RYR2: variants seen among roughly 807,000 people sequenced by gnomAD.
RYR2 encodes cardiac muscle ryanodine receptor-calcium release channel.
A neutral mutation model predicts 601.1 loss-of-function variants in RYR2; 227 were observed. The ratio of observed to expected loss-of-function variants is 0.38; its 90% CI spans 0.34 to 0.42. The LOEUF (loss-of-function observed/expected upper bound fraction) is 0.42. RYR2 is among the 10% of genes least tolerant of loss of function. The pLI is 1.00. For missense variants in RYR2, 4,646 were observed against 6,156.5 expected (o/e 0.75, Z 8.21); for synonymous variants, 2,223 against 2,175.1 (o/e 1.02, Z -0.61).
chr1:237,827,621 C>T (rs759138130), intron 101 of RYR2, among the ~76,000 whole-genome samples: 3 of 106,254 alleles, frequency 2.8e-5, no homozygotes, highest in South Asian at 8.4e-4. Flanking sequence ...CAGAGCAAGA[C>T]TGTCTCAAAA....
intron 1 of RYR2, among the ~76,000 whole-genome samples, chr1:237,092,408 T>C (rs1424421862): frequency 1.3e-5 from 2 of 152,234 alleles, no homozygotes; most frequent in African/African-American, 4.8e-5. Flanking sequence ...TATGTGACTG[T>C]CTGTGCTATT....
chr1:237,108,979 A>G (rs1244408290), intron 1 of RYR2, among the ~76,000 whole-genome samples: 1 of 152,166 alleles, frequency 6.6e-6, no homozygotes, highest in Non-Finnish European at 1.5e-5. Context: ...TTACATGAAC[A>G]TGAGCAAATG....
chr1:237,664,017 C>G (rs746122604), intron 56 of RYR2, among the ~76,000 whole-genome samples: 1 of 152,098 alleles, frequency 6.6e-6, no homozygotes, highest in African/African-American at 2.4e-5. Flanking sequence ...CTAAAGAAAA[C>G]AGCAAAAAAC....
intron 80 of RYR2, chr1:237,755,211 C>CTTTT: frequency 1.5e-6 from 1 of 666,668 alleles, no homozygotes; most frequent in Non-Finnish European, 2.1e-6. Context: ...CCTTTTAGTT[C>CTTTT]ACTTTATTTT....
rs1559038797 is a variant in RYR2 at position 237,566,711 on chromosome 1, C to G, written c.3359C>G (p.Pro1120Arg). Residue 1120 changes from proline to arginine, a missense_variant, in exon 28 of 105, where the codon CCT becomes CGT. Pro to Arg is a moderately radical substitution (Grantham distance 103). This residue lies in a region of RYR2 where 1,807 missense variants were observed against 2,088.1 expected (regional missense o/e 0.87). Coordinates refer to ENST00000366574, the MANE Select transcript of RYR2 (RefSeq NM_001035.3). ...GACATGAGGGTTGGTTGGAGTCGTC[C>G]TGGTTGTCAACCGGATCAGGAGCTT... ...AGDMRVGWSRPGCQPDQELGS... is the reference protein window; with the variant it reads ...AGDMRVGWSRRGCQPDQELGS... 6 of 1,613,936 alleles carry G rather than the reference C, an allele frequency of 3.7e-6. No individual in the cohort carries two copies. Among genetic ancestry groups the G allele is most frequent in the Non-Finnish European group, 5.1e-6 (6 of 1,179,852 alleles).
chr1:237,082,504 T>C (rs1393758924), intron 1 of RYR2, among the ~76,000 whole-genome samples: 2 of 124,312 alleles, frequency 1.6e-5, no homozygotes, highest in Non-Finnish European at 3.6e-5. Flanking sequence ...CCCTGTGTTA[T>C]ATTCTTTCAA....
chr1:237,199,048 C>G (rs1680884791), intron 1 of RYR2, among the ~76,000 whole-genome samples: 1 of 152,074 alleles, frequency 6.6e-6, no homozygotes, highest in Non-Finnish European at 1.5e-5. Flanking sequence ...TAAATGCAAA[C>G]TTCAAAGGTG....
rs563944864 is a variant in RYR2, at chr1:237,549,108, G to T, written c.3066+518G>T. Among the ~76,000 whole-genome samples, 9 of 152,274 alleles carry T rather than the reference G, an allele frequency of 5.9e-5. 1 individual carries two copies. The Middle Eastern group carries it at 0.01, about 173-fold the overall frequency. On this transcript the variant is annotated intron_variant, in intron 26 of 104. Transcript: ENST00000366574. ...GGAGGCATGGTCATACCAAAGAGGG[G>T]TAAAGGCCATAAACAGCCTCGCATC... is the stretch of plus-strand genomic sequence containing the variant.
intron 1 of RYR2, among the ~76,000 whole-genome samples, chr1:237,169,138 A>G (rs1677046565): frequency 6.6e-6 from 1 of 152,208 alleles, no homozygotes; most frequent in African/African-American, 2.4e-5. Flanking sequence ...AAAATACTAA[A>G]TTGTTATTAA....
Position 237,828,562 on chromosome 1 carries a change from TG to T in RYR2, c.14655+119del, listed in dbSNP as rs140195803. ...GGAGGAGGGGGAAGGGCACAACTTG[TG>T]GTTTCACTGGCGTGTTTTCCATTCA... On this transcript the variant is annotated intron_variant, in intron 102 of 104. Transcript: ENST00000366574. 38,775 of 646,402 alleles carry T rather than the reference TG, an allele frequency of 0.06. 1,491 individuals are homozygous for T. The highest frequency in any genetic ancestry group is 0.078 in the Non-Finnish European group (29,311 of 377,206). 40.0% of individuals were successfully genotyped at this position (646,402 alleles called of 1,614,324 possible). A position where few individuals can be genotyped will look rare whatever the true frequency, so the allele number is the denominator to read the frequency against.
chr1:237,638,999 C>T lies in RYR2; in HGVS notation c.6929-16C>T, dbSNP rs2148727288. 1 of 1,612,790 alleles carries T rather than the reference C, an allele frequency of 6.2e-7. No individual in the cohort carries two copies. Among genetic ancestry groups the T allele is most frequent in the East Asian group, 2.2e-5 (1 of 44,860 alleles). On this transcript the variant is annotated splice_polypyrimidine_tract_variant and intron_variant, in intron 45 of 104. Transcript: ENST00000366574. ...ATAATCATATTTGTTTACTTATCTT[C>T]CCCATTCTACTTTAGGGGAGAGTGT...
At chr1:237,248,092 T>A (rs1040397553) in intron 1 of RYR2, among the ~76,000 whole-genome samples, 7 of 152,066 alleles carry the variant, frequency 4.6e-5, no homozygotes, top group Non-Finnish European at 8.8e-5. Flanking sequence ...GGTAACATGG[T>A]GAAACCCTGT....
intron 10 of RYR2, among the ~76,000 whole-genome samples, chr1:237,410,468 A>G (rs1261667498): frequency 1.3e-5 from 2 of 152,190 alleles, no homozygotes; most frequent in Non-Finnish European, 2.9e-5. Context: ...TAATATGGGT[A>G]GAATATTCTA....
At chr1:237,058,532 C>A (rs1319759094) in intron 1 of RYR2, among the ~76,000 whole-genome samples, 2 of 152,162 alleles carry the variant, frequency 1.3e-5, no homozygotes, top group African/African-American at 4.8e-5. Context: ...AAGGTAAAAG[C>A]TTTCAACAAA....
rs111256171 is a variant in RYR2 at position 237,045,144 on chromosome 1, C to T, written c.48+2575C>T. Among the ~76,000 whole-genome samples, 417 of 152,210 alleles carry T rather than the reference C, an allele frequency of 2.7e-3. 3 individuals are homozygous for T. The highest frequency in any genetic ancestry group is 9.8e-3 in the African/African-American group (406 of 41,526). On this transcript the variant is annotated intron_variant, in intron 1 of 104. Coordinates refer to ENST00000366574, the MANE Select transcript of RYR2 (RefSeq NM_001035.3). ...GACATTTCATATGTCCTGATTAGAA[C>T]ATCTGGATTATTATCTTGAGCAGGT...
intron 52 of RYR2, among the ~76,000 whole-genome samples, chr1:237,654,909 A>G (rs1193109545): frequency 1.3e-5 from 2 of 152,228 alleles, no homozygotes. Context: ...AAAATTTATA[A>G]TGAATAGTTC....
chr1:237,135,346 C>T (rs1165360880), intron 1 of RYR2, among the ~76,000 whole-genome samples: 1 of 151,838 alleles, frequency 6.6e-6, no homozygotes, highest in Non-Finnish European at 1.5e-5. Flanking sequence ...CACTGTCCAG[C>T]ATCCCCTTGT....
rs1673221271 is a variant in RYR2 at position 237,576,367 on chromosome 1, G to T, written c.3598+7048G>T. Reference sequence around the variant, plus strand: ...TAGCAGGATTTATTGTGAAGCTATAGTCATTAAAATAGAGTGGTATTGTTG... The same window carrying T: ...TAGCAGGATTTATTGTGAAGCTATATTCATTAAAATAGAGTGGTATTGTTG... On this transcript the variant is annotated intron_variant, in intron 29 of 104. Transcript: ENST00000366574. 2.0e-5 allele frequency among the ~76,000 whole-genome samples: 3 copies of T among 152,182 alleles called. No individual in the cohort carries two copies. In the South Asian group the frequency reaches 6.2e-4, roughly 31 times the overall value.
intron 18 of RYR2, 114 bp from the exon 19 acceptor site, chr1:237,492,840 G>GAAGGAAGA: frequency 1.1e-6 from 1 of 941,200 alleles, no homozygotes; most frequent in Non-Finnish European, 1.5e-6. Context: ...AGGAAGGAAG[G>GAAGGAAGA]AAGGAAGGAA....
Sources: allele counts gnomAD v4.1 joint callset (sites outside exome capture counted in the v4.1 genomes callset), GRCh38; gene constraint gnomAD v4.1.1; regional missense constraint gnomAD v4.1.1; transcripts MANE v1.5; gene names NCBI Gene and HGNC (gene_info 2026-07-23, HGNC 2026-07-21).